STIM2: variants seen among roughly 807,000 people sequenced by gnomAD.
STIM2 encodes the protein stromal interaction molecule 2.
STIM2 carries 31 observed loss-of-function variants against 85.8 expected under a neutral mutation model. The ratio of observed to expected loss-of-function variants is 0.36; its 90% confidence interval spans 0.27 to 0.49. The LOEUF (loss-of-function observed/expected upper bound fraction) is 0.49, where lower values mean the gene tolerates loss of function less well. STIM2 is among the 20% of genes least tolerant of loss of function. The pLI, the probability that STIM2 is intolerant of heterozygous loss-of-function variation, is 0.98. For missense variants in STIM2, 841 were observed against 927.6 expected (o/e 0.91, Z 1.21); for synonymous variants, 356 against 331.1 (o/e 1.08, Z -0.82).
In STIM2 at chr4:26,930,941, G is replaced by A. The variant is rs140496525; in HGVS notation, c.282+11307G>A. On this transcript the variant is annotated intron_variant, in intron 2 of 11. Transcript: ENST00000467087. ...CAGAAATCTTAGTGCAGCTTAGGTG[G>A]GTCTTCTGGCTCTGGGTCTTTCACA... Among the ~76,000 whole-genome samples, 207 of 152,182 alleles carry A rather than the reference G, an allele frequency of 1.4e-3. 1 individual carries two copies. The highest frequency in any genetic ancestry group is 2.6e-3 in the Non-Finnish European group (175 of 67,998).
intron 1 of STIM2, among the ~76,000 whole-genome samples, chr4:26,902,047 T>C (rs1723942894): frequency 6.6e-6 from 1 of 152,144 alleles, no homozygotes. Flanking sequence ...GAGGTTGGTC[T>C]TCATTCTTTT....
intron 1 of STIM2, among the ~76,000 whole-genome samples, chr4:26,879,501 C>T (rs951760830): frequency 3.9e-5 from 6 of 152,002 alleles, no homozygotes; most frequent in African/African-American, 1.4e-4. Context: ...GATATTATTA[C>T]TATGAATTCT....
At chr4:26,970,790 T>C (rs1726918224) in intron 3 of STIM2, among the ~76,000 whole-genome samples, 2 of 152,204 alleles carry the variant, frequency 1.3e-5, no homozygotes, top group South Asian at 4.1e-4. Flanking sequence ...ATGGTAATTC[T>C]AGTTCTAGAT....
intron 4 of STIM2, 40 bp from the exon 5 acceptor site, chr4:26,999,192 A>AATAT (rs547125145): frequency 2.9e-5 from 24 of 834,416 alleles, no homozygotes; most frequent in South Asian, 6.8e-5. Context: ...ATTTTCATTT[A>AATAT]ATATATATAT....
In STIM2 at chr4:26,905,017, A is replaced by G. The variant is rs1161720305; in HGVS notation, c.152-14487A>G. ...TGAGTGGGTTGTGGGAGTTTATGGA[A>G]GTTCTCTTCAAATAGCTTCATGAAA... On this transcript the variant is annotated intron_variant, in intron 1 of 11. Coordinates refer to ENST00000467087, the MANE Select transcript of STIM2 (RefSeq NM_020860.4). Among the ~76,000 whole-genome samples, 4 of 152,210 alleles carry G rather than the reference A, an allele frequency of 2.6e-5. No individual in the cohort carries two copies. In the East Asian group the frequency reaches 7.7e-4, roughly 29 times the overall value.
intron 1 of STIM2, among the ~76,000 whole-genome samples, chr4:26,886,306 ATAT>A (rs1723249571): frequency 6.6e-6 from 1 of 152,140 alleles, no homozygotes; most frequent in South Asian, 2.1e-4. Context: ...ACACTTACAG[ATAT>A]TGTTGTAGGT....
chr4:27,006,815 AG>A (rs1231624783), intron 7 of STIM2, among the ~76,000 whole-genome samples: 2 of 152,216 alleles, frequency 1.3e-5, no homozygotes, highest in Non-Finnish European at 2.9e-5. Context: ...GTAGACTCTC[AG>A]AATCTGTTTT....
chr4:26,883,037 C>T (rs1000850014), intron 1 of STIM2, among the ~76,000 whole-genome samples: 11 of 145,968 alleles, frequency 7.5e-5, no homozygotes, highest in South Asian at 2.2e-4. Flanking sequence ...TTAGTAGAGA[C>T]GGGGTTTCAC....
chr4:26,870,082 C>A (rs1440976942), intron 1 of STIM2, among the ~76,000 whole-genome samples: 1 of 152,034 alleles, frequency 6.6e-6, no homozygotes, highest in Non-Finnish European at 1.5e-5. Flanking sequence ...TGCATGGAAT[C>A]TGAAAATATC....
chr4:26,930,546 A>C (rs1397011143), intron 2 of STIM2, among the ~76,000 whole-genome samples: 3 of 152,130 alleles, frequency 2.0e-5, no homozygotes, highest in African/African-American at 7.2e-5. Context: ...TTATCTGAAA[A>C]GTCCATTGTA....
At chr4:26,904,953 C>T (rs1044798494) in intron 1 of STIM2, among the ~76,000 whole-genome samples, 9 of 151,954 alleles carry the variant, frequency 5.9e-5, no homozygotes, top group Middle Eastern at 6.8e-3. Flanking sequence ...TGTCAGTGGG[C>T]AGAGATACAG....
At chr4:26,862,658 C>T (rs1031572351) in intron 1 of STIM2, among the ~76,000 whole-genome samples, 8 of 152,118 alleles carry the variant, frequency 5.3e-5, no homozygotes, top group African/African-American at 1.9e-4. Flanking sequence ...GCATATCAAG[C>T]CCTATTAAAT....
rs187512965 is a variant in STIM2, at chr4:26,984,132, T to C, written c.398-11247T>C. On this transcript the variant is annotated intron_variant, in intron 3 of 11. Transcript: ENST00000467087. ...TAGAAATGGTTCTAAAAAGAATCAA[T>C]GAAAGTGACATTTTCCTTGGCAGTC... is the stretch of plus-strand genomic sequence containing the variant. Among the ~76,000 whole-genome samples, 603 of 152,332 alleles carry C rather than the reference T, an allele frequency of 4.0e-3. 2 individuals carry two copies. The highest frequency in any genetic ancestry group is 5.6e-3 in the Non-Finnish European group (381 of 68,030).
intron 1 of STIM2, among the ~76,000 whole-genome samples, chr4:26,894,694 T>A (rs905580500): frequency 6.6e-6 from 1 of 152,228 alleles, no homozygotes. Context: ...ACAGTGTTTT[T>A]AAGTCACTGT....
intron 1 of STIM2, among the ~76,000 whole-genome samples, chr4:26,909,720 A>G (rs1188046328): frequency 6.6e-6 from 1 of 152,238 alleles, no homozygotes; most frequent in Non-Finnish European, 1.5e-5. Context: ...GTTTTTGAGC[A>G]TACAATTCAG....
rs1040907983 is a variant in STIM2, at chr4:26,954,387, T to C, written c.283-3225T>C. On this transcript the variant is annotated intron_variant, in intron 2 of 11. Transcript: ENST00000467087. ...TAGGATTCCCTATAGTAGGTTTGCA[T>C]ATAATTGGGTGTATTTACCAGGGAA... Among the ~76,000 whole-genome samples, 5 of 125,684 alleles carry C rather than the reference T, an allele frequency of 4.0e-5. 1 individual carries two copies. The highest frequency in any genetic ancestry group is 1.8e-4 in the African/African-American group (5 of 28,294). 82.5% of individuals were successfully genotyped at this position (125,684 alleles called of 152,430 possible). A position where few individuals can be genotyped will look rare whatever the true frequency, so the allele number is the denominator to read the frequency against.
intron 3 of STIM2, among the ~76,000 whole-genome samples, chr4:26,969,471 A>T (rs1726851086): frequency 6.6e-6 from 1 of 152,238 alleles, no homozygotes; most frequent in Non-Finnish European, 1.5e-5. Context: ...ATAGTGCTAC[A>T]GCTCTACTGC....
chr4:26,982,985 C>T (rs1206540143), intron 3 of STIM2, among the ~76,000 whole-genome samples: 1 of 152,334 alleles, frequency 6.6e-6, no homozygotes, highest in African/African-American at 2.4e-5. Context: ...GCTGCTACCT[C>T]TTTCAGGGGC....
chr4:27,016,475 G>C (rs1289606715), intron 10 of STIM2, among the ~76,000 whole-genome samples: 4 of 152,194 alleles, frequency 2.6e-5, no homozygotes, highest in Non-Finnish European at 5.9e-5. Flanking sequence ...ATATCACCAA[G>C]TTGGGAGCAG....
Sources: allele counts gnomAD v4.1 joint callset (sites outside exome capture counted in the v4.1 genomes callset), GRCh38; gene constraint gnomAD v4.1.1; transcripts MANE v1.5; gene names NCBI Gene and HGNC (gene_info 2026-07-23, HGNC 2026-07-21).